Variants in KCNC2 observed in about 807,000 individuals in gnomAD.
KCNC2 encodes the protein potassium voltage-gated channel subfamily C member 2.
KCNC2 carries 21 observed loss-of-function variants against 44.5 expected under a neutral mutation model. The ratio of observed to expected loss-of-function variants is 0.47; its 90% CI spans 0.33 to 0.68. The LOEUF (loss-of-function observed/expected upper bound fraction) is 0.68. Ranked by LOEUF, KCNC2 falls within the 30% of genes least tolerant of loss-of-function variation. KCNC2 has a pLI of 0.01. For missense variants in KCNC2, 589 were observed against 826.2 expected (o/e 0.71, Z 3.52); for synonymous variants, 391 against 339.1 (o/e 1.15, Z -1.68).
intron 2 of KCNC2, among the ~76,000 whole-genome samples, chr12:75,109,353 C>T (rs12425109): frequency 0.17 from 25,164 of 152,018 alleles, 2,182 homozygotes; most frequent in Middle Eastern, 0.24. Flanking sequence ...CTCACCTCTG[C>T]GCTTGATGGC....
intron 3 of KCNC2, 133 bp from the exon 4 acceptor site, chr12:75,048,450 A>C: frequency 3.4e-6 from 2 of 595,142 alleles, no homozygotes; most frequent in South Asian, 4.0e-5. Context: ...CAATAAGAAA[A>C]AGAATTTTTA....
At position 75,163,923 on chromosome 12, in the gene KCNC2, G is replaced by A. The variant is rs547315843; in HGVS notation, c.687+43374C>T. Among the ~76,000 whole-genome samples, 5 of 151,612 alleles carry A rather than the reference G, an allele frequency of 3.3e-5. No individual in the cohort carries two copies. The South Asian group carries it at 1.0e-3, about 31-fold the overall frequency. On this transcript the variant is annotated intron_variant, in intron 2 of 4. Coordinates refer to ENST00000549446, the MANE Select transcript of KCNC2 (RefSeq NM_139137.4). ...TGCTGCAAAGTTTGCTACTGTTACT[G>A]TGAAACAAACCCCAGGTGTTCTCAA...
chr12:75,150,552 C>A (rs1890317356), intron 2 of KCNC2, among the ~76,000 whole-genome samples: 1 of 151,892 alleles, frequency 6.6e-6, no homozygotes, highest in Non-Finnish European at 1.5e-5. Context: ...GTTGATCTTT[C>A]CTATAAGCAC....
At chr12:75,098,094 A>G (rs1036521122) in intron 2 of KCNC2, among the ~76,000 whole-genome samples, 2 of 152,130 alleles carry the variant, frequency 1.3e-5, no homozygotes, top group African/African-American at 4.8e-5. Flanking sequence ...AATTTATAGC[A>G]ATAAGTCTCC....
chr12:75,123,239 C>A (rs1356775209), intron 2 of KCNC2, among the ~76,000 whole-genome samples: 1 of 152,062 alleles, frequency 6.6e-6, no homozygotes, highest in African/African-American at 2.4e-5. Flanking sequence ...GTTTTTACTG[C>A]ATAGATTAAG....
chr12:75,080,681 T>A (rs935490785), intron 2 of KCNC2, among the ~76,000 whole-genome samples: 1 of 152,126 alleles, frequency 6.6e-6, no homozygotes, highest in Non-Finnish European at 1.5e-5. Context: ...CTGCACTGAA[T>A]CTGGCCCCTT....
At chr12:75,081,670 G>T (rs1270162840) in intron 2 of KCNC2, among the ~76,000 whole-genome samples, 1 of 151,782 alleles carries the variant, frequency 6.6e-6, no homozygotes, top group Non-Finnish European at 1.5e-5. Context: ...GTCCATTCCA[G>T]ATAATAGAGT....
chr12:75,061,645 A>C (rs1021162424), intron 2 of KCNC2, among the ~76,000 whole-genome samples: 1 of 151,630 alleles, frequency 6.6e-6, no homozygotes. Flanking sequence ...ATGAGGGTGG[A>C]AAATCAATTT....
chr12:75,206,155 A>G (rs2031670781), intron 2 of KCNC2, among the ~76,000 whole-genome samples: 1 of 152,208 alleles, frequency 6.6e-6, no homozygotes, highest in African/African-American at 2.4e-5. Context: ...CTTCTGACAT[A>G]CAGAGGAAGA....
Position 75,041,372 on chromosome 12 carries a change from G to T in KCNC2, c.*1733C>A. ...CATTGCTGTACAACATCTCCAACAT[G>T]CAGGTCATGCTCTAGGACTTGGGGA... On this transcript the variant is annotated 3_prime_UTR_variant, in exon 5 of 5. Transcript: ENST00000549446. 1.4e-6 allele frequency: 2 copies of T among 1,436,200 alleles called. No individual in the cohort carries two copies. Among genetic ancestry groups the T allele is most frequent in the Non-Finnish European group, 1.8e-6 (2 of 1,092,618 alleles). 89.0% of individuals were successfully genotyped at this position (1,436,200 alleles called of 1,614,324 possible).
At chr12:75,095,074 A>G (rs1381234816) in intron 2 of KCNC2, among the ~76,000 whole-genome samples, 1 of 151,980 alleles carries the variant, frequency 6.6e-6, no homozygotes, top group Middle Eastern at 3.4e-3. Context: ...AGCTCATTGA[A>G]ATACTGAAGG....
At chr12:75,150,682 T>G (rs1325692724) in intron 2 of KCNC2, among the ~76,000 whole-genome samples, 2 of 151,908 alleles carry the variant, frequency 1.3e-5, no homozygotes, top group Non-Finnish European at 2.9e-5. Flanking sequence ...TGAAATACAG[T>G]CTACAGAAAT....
intron 2 of KCNC2, among the ~76,000 whole-genome samples, chr12:75,146,760 A>G (rs1183232868): frequency 6.6e-6 from 1 of 152,200 alleles, no homozygotes; most frequent in Non-Finnish European, 1.5e-5. Context: ...CCAGCAGTAT[A>G]TAAGAATCTC....
intron 2 of KCNC2, among the ~76,000 whole-genome samples, chr12:75,195,463 T>C (rs570406857): frequency 1.3e-5 from 2 of 152,270 alleles, no homozygotes; most frequent in African/African-American, 4.8e-5. Flanking sequence ...CATTGAATCT[T>C]GAATGAGAAA....
intron 2 of KCNC2, among the ~76,000 whole-genome samples, chr12:75,186,622 T>A (rs370067717): frequency 2.0e-5 from 3 of 152,202 alleles, no homozygotes; most frequent in African/African-American, 4.8e-5. Flanking sequence ...TTTCTTTTAT[T>A]TCCTGAAAGT....
intron 2 of KCNC2, among the ~76,000 whole-genome samples, chr12:75,101,422 C>T (rs989757241): frequency 6.6e-6 from 1 of 152,034 alleles, no homozygotes; most frequent in Non-Finnish European, 1.5e-5. Context: ...GAAGCCACAT[C>T]TTGTTTCAGA....
At chr12:75,153,644 T>A (rs1286631604) in intron 2 of KCNC2, among the ~76,000 whole-genome samples, 1 of 150,590 alleles carries the variant, frequency 6.6e-6, no homozygotes, top group African/African-American at 2.5e-5. Context: ...TTTTTAAATA[T>A]GTTTCTGCAA....
chr12:75,188,752 C>T (rs1035918471), intron 2 of KCNC2, among the ~76,000 whole-genome samples: 4 of 151,754 alleles, frequency 2.6e-5, no homozygotes, highest in African/African-American at 9.7e-5. Context: ...CCCAGCTACT[C>T]GGGAGGCTGA....
chr12:75,063,906 G>A (rs1882578812), intron 2 of KCNC2, among the ~76,000 whole-genome samples: 1 of 152,066 alleles, frequency 6.6e-6, no homozygotes, highest in South Asian at 2.1e-4. Context: ...CCTTGCTAAT[G>A]TGTTAACTTT....
Sources: allele counts gnomAD v4.1 joint callset (sites outside exome capture counted in the v4.1 genomes callset), GRCh38; gene constraint gnomAD v4.1.1; transcripts MANE v1.5; gene names NCBI Gene and HGNC (gene_info 2026-07-23, HGNC 2026-07-21).